The following TGM5 variants were observed in gnomAD, a reference collection of about 807,000 sequenced individuals.
TGM5 encodes transglutaminase 5, also known as protein-glutamine gamma-glutamyltransferase 5.
A neutral mutation model predicts 77.2 loss-of-function variants in TGM5; 69 were observed. The observed-to-expected ratio is 0.89, with a 90% CI of 0.74 to 1.09. The LOEUF is 1.09. TGM5 is among the 50% of genes least tolerant of loss of function. The probability of loss-of-function intolerance (pLI) is 0.00; values close to 1 mark genes in which losing one functional copy is unlikely to be tolerated. For missense variants in TGM5, 842 were observed against 896.5 expected (o/e 0.94, Z 0.78); for synonymous variants, 346 against 351.8 (o/e 0.98, Z 0.18).
intron 6 of TGM5, among the ~76,000 whole-genome samples, chr15:43,244,106 T>C (rs1025100644): frequency 6.6e-6 from 1 of 152,158 alleles, no homozygotes; most frequent in African/African-American, 2.4e-5. Context: ...TCTGTGAAGT[T>C]TTCACCAATG....
intron 10 of TGM5, 61 bp downstream of exon 10, chr15:43,235,408 G>A: frequency 6.2e-7 from 1 of 1,612,142 alleles, no homozygotes; most frequent in Non-Finnish European, 8.5e-7. Flanking sequence ...CTGTTGGCTG[G>A]CTTGACCCCA....
intron 10 of TGM5, 123 bp downstream of exon 10, chr15:43,235,346 G>A (rs2042580459): frequency 4.4e-6 from 6 of 1,352,850 alleles, no homozygotes; most frequent in African/African-American, 4.3e-5. Context: ...GGGGAATCGT[G>A]CCAGAGGGGA....
At chr15:43,245,536 A>C (rs1262546766) in intron 6 of TGM5, among the ~76,000 whole-genome samples, 2 of 152,138 alleles carry the variant, frequency 1.3e-5, no homozygotes, top group Non-Finnish European at 2.9e-5. Flanking sequence ...TAGTACCTTA[A>C]GTATGCAAAG....
intron 1 of TGM5, among the ~76,000 whole-genome samples, chr15:43,262,957 A>G (rs2042800554): frequency 6.6e-6 from 1 of 152,248 alleles, no homozygotes; most frequent in African/African-American, 2.4e-5. Flanking sequence ...TACATGTGAC[A>G]TAATCTTGTA....
chr15:43,241,204 C>G (rs1164346220), intron 6 of TGM5: 2 of 643,390 alleles, frequency 3.1e-6, no homozygotes, highest in East Asian at 5.8e-5. Context: ...GGGATGCTGA[C>G]TGCTCAGACA....
At chr15:43,255,949 G>A (rs2042739378) in intron 4 of TGM5, among the ~76,000 whole-genome samples, 2 of 152,290 alleles carry the variant, frequency 1.3e-5, no homozygotes, top group Admixed American at 1.3e-4. Flanking sequence ...ATGGTGCTTG[G>A]GATGACCTTC....
In TGM5 at chr15:43,249,903, G is replaced by A. The variant is rs570219543; in HGVS notation, c.862+2856C>T. On this transcript the variant is annotated intron_variant, in intron 6 of 12. Transcript: ENST00000220420. ...AAAGGCCACACTGGGAGGCAGGGCC[G>A]TAGAGGGGAGATGCATGTCTGAGTC... Among the ~76,000 whole-genome samples the A allele has an allele frequency of 5.9e-5, 9 of 152,370 alleles. No homozygotes were observed. The South Asian group carries it at 6.2e-4, about 11-fold the overall frequency.
At chr15:43,256,776 T>A (rs556706981) in intron 3 of TGM5, 90 bp from the exon 4 acceptor site, 1 of 1,025,488 alleles carries the variant, frequency 9.8e-7, no homozygotes, top group Non-Finnish European at 1.5e-6. Context: ...AGGAAACGGT[T>A]CTGGAGCAAG....
intron 6 of TGM5, among the ~76,000 whole-genome samples, chr15:43,251,737 T>A (rs1474994738): frequency 6.6e-6 from 1 of 152,204 alleles, no homozygotes; most frequent in Non-Finnish European, 1.5e-5. Context: ...TCCTTTCACC[T>A]CCATGTGTGA....
rs2142390357 is a variant in TGM5, at chr15:43,266,836, C to T, written c.10+4G>A. On this transcript the variant is annotated splice_donor_region_variant and intron_variant, in intron 1 of 12. Transcript: ENST00000220420. ...ACTCCAGTGGCCACAGGGGCTTTCC[C>T]TACCTTGGGCCATGGTAGCTGCCTC... 1.9e-6 allele frequency: 3 copies of T among 1,614,194 alleles called. No homozygotes were observed. The highest frequency in any genetic ancestry group is 2.5e-6 in the Non-Finnish European group (3 of 1,180,034).
In TGM5 at chr15:43,235,491, G is replaced by C; in HGVS notation, c.1692C>G (p.Phe564Leu). ...PLSPFWQDTA[F>L]ITLSPKEAKT... ...TACCTTCTTTAGGAGAGAGTGTGAT[G>C]AACGCTGTGTCCTGCCAGAATGGGG... is the stretch of plus-strand genomic sequence containing the variant. Residue 564 changes from phenylalanine to leucine, a missense_variant, in exon 10 of 13, where the codon TTC becomes TTG. Coordinates refer to ENST00000220420, the MANE Select transcript of TGM5 (RefSeq NM_201631.4). 2 of 1,614,140 alleles carry C rather than the reference G, an allele frequency of 1.2e-6. No homozygotes were observed. Among genetic ancestry groups the C allele is most frequent in the African/African-American group, 1.3e-5 (1 of 75,038 alleles).
chr15:43,246,587 G>C (rs537295896), intron 6 of TGM5, among the ~76,000 whole-genome samples: 2 of 152,134 alleles, frequency 1.3e-5, no homozygotes, highest in Non-Finnish European at 2.9e-5. Context: ...ACACAGGCTC[G>C]GGAAGCCCAG....
At chr15:43,247,022 G>A (rs959733083) in intron 6 of TGM5, among the ~76,000 whole-genome samples, 3 of 152,092 alleles carry the variant, frequency 2.0e-5, no homozygotes, top group Non-Finnish European at 4.4e-5. Flanking sequence ...GCCGGGCGTG[G>A]TGTTGGGTGC....
rs2042786062 is a variant in TGM5, at chr15:43,261,090, T to TTTG, written c.11-512_11-511insCAA. On this transcript the variant is annotated intron_variant, in intron 1 of 12. Transcript: ENST00000220420. Reference sequence around the variant, plus strand: ...TTTGTGTGTGTGTTTTTTTTTTTTTTTTTTTTTTTTTTTTTTTGAGACAGA... The same window carrying TTTG: ...TTTGTGTGTGTGTTTTTTTTTTTTTTTTGTTTTTTTTTTTTTTTTTGAGACAGA... Among the ~76,000 whole-genome samples the TTTG allele has an allele frequency of 1.0e-4, 10 of 97,100 alleles. 1 individual carries two copies. Among genetic ancestry groups the TTTG allele is most frequent in the African/African-American group, 3.6e-4 (7 of 19,536 alleles). The allele number at this position is 97,100 out of a possible 152,430, so 63.7% of individuals were successfully genotyped here. A position where few individuals can be genotyped will look rare whatever the true frequency, so the allele number is the denominator to read the frequency against.
rs1040312679 is a variant in TGM5, at chr15:43,254,370, C to T, written c.556-736G>A. On this transcript the variant is annotated intron_variant, in intron 4 of 12. Transcript: ENST00000220420. ...TGGACCTTAGGCCTGGCATGGTGCC[C>T]AGCACATTGCAGGAACTCTGTACCT... is the stretch of plus-strand genomic sequence containing the variant. 1.1e-4 allele frequency among the ~76,000 whole-genome samples: 16 copies of T among 152,326 alleles called. 1 individual carries two copies. Among genetic ancestry groups the T allele is most frequent in the Middle Eastern group, 3.4e-3 (1 of 294 alleles).
chr15:43,239,410 G>A (rs780127368), intron 7 of TGM5, 144 bp from the exon 8 acceptor site: 27 of 781,184 alleles, frequency 3.5e-5, no homozygotes, highest in Admixed American at 8.0e-5. Flanking sequence ...AGCCAGGCAC[G>A]ATGGCTCATG....
At chr15:43,235,211 G>A (rs960629762) in intron 10 of TGM5, among the ~76,000 whole-genome samples, 2 of 149,822 alleles carry the variant, frequency 1.3e-5, no homozygotes, top group Non-Finnish European at 3.0e-5. Flanking sequence ...GTTGTGGTAG[G>A]AAAGGAGGAG....
chr15:43,256,741 C>T, intron 3 of TGM5, 55 bp from the exon 4 acceptor site: 5 of 1,265,946 alleles, frequency 3.9e-6, no homozygotes, highest in South Asian at 3.6e-5. Context: ...CCCTTACTGC[C>T]CCATTCTCAT....
intron 6 of TGM5, among the ~76,000 whole-genome samples, chr15:43,245,713 C>T (rs2042664855): frequency 6.6e-6 from 1 of 152,022 alleles, no homozygotes; most frequent in African/African-American, 2.4e-5. Flanking sequence ...GCACTGTTTA[C>T]AGAGAAATAG....
Sources: allele counts gnomAD v4.1 joint callset (sites outside exome capture counted in the v4.1 genomes callset), GRCh38; gene constraint gnomAD v4.1.1; transcripts MANE v1.5; gene names NCBI Gene and HGNC (gene_info 2026-07-23, HGNC 2026-07-21).